Variants in HERC6 observed in about 807,000 individuals in gnomAD.
HERC6 encodes the protein probable E3 ubiquitin-protein ligase HERC6.
In HERC6, 101 loss-of-function variants were observed where a neutral mutation model predicts 114.5. That is an observed-to-expected ratio of 0.88 (90% confidence interval 0.75 to 1.04). The LOEUF is 1.04. Among genes scored for constraint, HERC6 ranks in the 50% least tolerant of loss-of-function variants. HERC6 has a pLI of 0.00. For synonymous variants in HERC6, 408 were observed against 436.2 expected, an observed-to-expected ratio of 0.94 and a Z score of 0.81; for missense variants, 1,133 against 1,230.9, an observed-to-expected ratio of 0.92 and a Z score of 1.19.
intron 15 of HERC6, among the ~76,000 whole-genome samples, chr4:88,427,264 G>C (rs1737732305): frequency 6.6e-6 from 1 of 152,242 alleles, no homozygotes; most frequent in South Asian, 2.1e-4. Context: ...GAGAACCGGA[G>C]TAGAGAAGCT....
intron 8 of HERC6, among the ~76,000 whole-genome samples, chr4:88,403,344 T>A (rs188121587): frequency 6.6e-6 from 1 of 152,206 alleles, no homozygotes; most frequent in African/African-American, 2.4e-5. Flanking sequence ...CATTACAATT[T>A]GAGAGTTACT....
intron 8 of HERC6, among the ~76,000 whole-genome samples, chr4:88,402,056 G>A (rs893574111): frequency 1.6e-4 from 25 of 152,206 alleles, no homozygotes; most frequent in Admixed American, 7.9e-4. Flanking sequence ...AGCTGGGTAA[G>A]GAGGATGAAA....
At chr4:88,406,287 C>A (rs1418869874) in intron 10 of HERC6, among the ~76,000 whole-genome samples, 1 of 152,208 alleles carries the variant, frequency 6.6e-6, no homozygotes, top group East Asian at 1.9e-4. Context: ...GCCTGTCCCT[C>A]CCTTGTTAAC....
chr4:88,380,355 T>A lies in HERC6; in HGVS notation c.199+1235T>A, dbSNP rs868012382. On this transcript the variant is annotated intron_variant, in intron 1 of 22. Coordinates refer to ENST00000264346, the MANE Select transcript of HERC6 (RefSeq NM_017912.4). ...TATATAAATATATATATAATATAAA[T>A]ATATATATAATATATAAATATATAT... 2.3e-3 allele frequency among the ~76,000 whole-genome samples: 50 copies of A among 21,544 alleles called. 6 individuals carry two copies. The Admixed American group carries it at 0.042, about 18-fold the overall frequency. The allele number at this position is 21,544 out of a possible 152,430, so 14.1% of individuals were successfully genotyped here.
chr4:88,428,527 G>A, intron 15 of HERC6, 53 bp from the exon 16 acceptor site: 2 of 1,376,234 alleles, frequency 1.5e-6, no homozygotes, highest in Non-Finnish European at 2.0e-6. Context: ...AACAATCCTT[G>A]GGATTCCTAT....
At chr4:88,408,773 G>T (rs549451369) in intron 11 of HERC6, among the ~76,000 whole-genome samples, 156 bp downstream of exon 11, 67 of 152,282 alleles carry the variant, frequency 4.4e-4, no homozygotes, top group South Asian at 4.3e-3. Context: ...CTATGACATT[G>T]TAGTAAAGAA....
At chr4:88,423,335 CTTG>C (rs1737265895) in intron 13 of HERC6, among the ~76,000 whole-genome samples, 2 of 152,032 alleles carry the variant, frequency 1.3e-5, no homozygotes, top group South Asian at 4.2e-4. Context: ...TTCCTGGTAA[CTTG>C]TTGTTTTTAC....
At chr4:88,391,934 T>TCCTTTC (rs1734938153) in intron 4 of HERC6, among the ~76,000 whole-genome samples, 1 of 150,382 alleles carries the variant, frequency 6.6e-6, no homozygotes, top group Non-Finnish European at 1.5e-5. Flanking sequence ...CCTTTCCTTT[T>TCCTTTC]CCTTTCCCTT....
At chr4:88,407,878 C>T (rs1735888113) in intron 10 of HERC6, among the ~76,000 whole-genome samples, 1 of 152,130 alleles carries the variant, frequency 6.6e-6, no homozygotes, top group Non-Finnish European at 1.5e-5. Flanking sequence ...AATTTATTTA[C>T]AATTGGGAGT....
At chr4:88,430,644 T>TGAGA (rs1738102434) in intron 16 of HERC6, among the ~76,000 whole-genome samples, 1 of 152,104 alleles carries the variant, frequency 6.6e-6, no homozygotes, top group Non-Finnish European at 1.5e-5. Flanking sequence ...ATTTCTCATT[T>TGAGA]GAGAGCTATG....
intron 13 of HERC6, among the ~76,000 whole-genome samples, chr4:88,422,242 C>T (rs1578408581): frequency 6.6e-6 from 1 of 152,208 alleles, no homozygotes; most frequent in Non-Finnish European, 1.5e-5. Context: ...CTCTTGACTT[C>T]TTTGGATTTT....
intron 5 of HERC6, among the ~76,000 whole-genome samples, chr4:88,394,690 G>A (rs970418238): frequency 7.9e-5 from 12 of 151,126 alleles, no homozygotes; most frequent in East Asian, 2.0e-4. Context: ...GATTACAGGC[G>A]TGTGCCACCA....
intron 15 of HERC6, among the ~76,000 whole-genome samples, chr4:88,428,043 G>T (rs1737803833): frequency 6.6e-6 from 1 of 152,206 alleles, no homozygotes; most frequent in African/African-American, 2.4e-5. Context: ...GATATAAAAT[G>T]AGGCCACCTG....
At chr4:88,427,031 G>A (rs1737710138) in intron 15 of HERC6, among the ~76,000 whole-genome samples, 1 of 152,098 alleles carries the variant, frequency 6.6e-6, no homozygotes, top group South Asian at 2.1e-4. Context: ...AGTAGTCGAG[G>A]GTTGAGTGAA....
intron 13 of HERC6, among the ~76,000 whole-genome samples, chr4:88,421,987 C>T (rs1254717708): frequency 1.3e-5 from 2 of 152,134 alleles, no homozygotes; most frequent in Non-Finnish European, 2.9e-5. Flanking sequence ...CATAAGAGTT[C>T]TTTACATACA....
intron 1 of HERC6, among the ~76,000 whole-genome samples, chr4:88,379,691 TATA>T (rs1734071221): frequency 1.8e-5 from 2 of 110,340 alleles, no homozygotes; most frequent in Non-Finnish European, 3.4e-5. Context: ...TATACAAATA[TATA>T]ATATATAAAT....
At chr4:88,380,282 AAAT>A (rs1734201130) in intron 1 of HERC6, among the ~76,000 whole-genome samples, 1 of 78,994 alleles carries the variant, frequency 1.3e-5, no homozygotes, top group Non-Finnish European at 2.1e-5. Context: ...TATAATATAT[AAAT>A]ATATAATATA....
At chr4:88,391,310 T>C (rs1312109569) in intron 4 of HERC6, among the ~76,000 whole-genome samples, 1 of 152,198 alleles carries the variant, frequency 6.6e-6, no homozygotes, top group Non-Finnish European at 1.5e-5. Flanking sequence ...TCACATAGAC[T>C]CTTCTGCCTC....
chr4:88,406,442 C>T (rs1350676225), intron 10 of HERC6, among the ~76,000 whole-genome samples: 1 of 152,198 alleles, frequency 6.6e-6, no homozygotes, highest in African/African-American at 2.4e-5. Context: ...GTTCTTAACC[C>T]AGCTGCATTC....
Sources: gnomAD v4.1 joint callset for allele counts (sites outside exome capture counted in the v4.1 genomes callset) on GRCh38, gnomAD v4.1.1 for gene constraint, MANE v1.5 for transcripts, NCBI Gene and HGNC (gene_info 2026-07-23, HGNC 2026-07-21) for gene names.